TMEM87A: variants seen among roughly 807,000 people sequenced by gnomAD.
TMEM87A encodes Golgi-pH regulating cation channel.
A neutral mutation model predicts 90.0 loss-of-function variants in TMEM87A; 50 were observed. That is an observed-to-expected ratio of 0.56 (90% CI 0.44 to 0.70). The LOEUF (loss-of-function observed/expected upper bound fraction) is 0.70, where lower values mean the gene tolerates loss of function less well. Among genes scored for constraint, TMEM87A ranks in the 30% least tolerant of loss-of-function variants. The pLI is 0.00. For synonymous variants in TMEM87A, 226 were observed against 226.7 expected (o/e 1.00, Z 0.03); for missense variants, 577 against 660.5 (o/e 0.87, Z 1.39).
chr15:42,250,319 T>C (rs948747327), intron 6 of TMEM87A, among the ~76,000 whole-genome samples: 8 of 152,200 alleles, frequency 5.3e-5, no homozygotes, highest in African/African-American at 1.9e-4. Flanking sequence ...ATGATACTAG[T>C]GGGTTATTTT....
In TMEM87A at chr15:42,250,345, C is replaced by T. The variant is rs139561789; in HGVS notation, c.505-6178G>A. ...GGGTTATTTTGCCCGTTGGTTGATG[C>T]AGTTTCTTCCTAGCATCGATGGTCT... is the stretch of plus-strand genomic sequence containing the variant. On this transcript the variant is annotated intron_variant, in intron 6 of 19. Coordinates refer to ENST00000389834, the MANE Select transcript of TMEM87A (RefSeq NM_015497.5). Among the ~76,000 whole-genome samples, 953 of 152,274 alleles carry T rather than the reference C, an allele frequency of 6.3e-3. 28 individuals carry two copies. Among genetic ancestry groups the T allele is most frequent in the Non-Finnish European group, 3.8e-3 (258 of 68,018 alleles).
Position 42,267,924 on chromosome 15 carries a change from C to T in TMEM87A, c.291+23G>A, listed in dbSNP as rs557458118. The T allele has an allele frequency of 1.9e-6, 3 of 1,587,824 alleles. No individual in the cohort carries two copies. The East Asian group carries it at 6.8e-5, about 36-fold the overall frequency. On this transcript the variant is annotated intron_variant, in intron 3 of 19. Transcript: ENST00000389834. ...AGATAATCACTAAGGTCCAAAAAAACTCTGTAATTTTATGTTCCTTACCTT... is the reference window on the plus strand; with the variant it reads ...AGATAATCACTAAGGTCCAAAAAAATTCTGTAATTTTATGTTCCTTACCTT...
chr15:42,257,705 C>T (rs1482033407), intron 6 of TMEM87A, among the ~76,000 whole-genome samples: 1 of 152,058 alleles, frequency 6.6e-6, no homozygotes, highest in African/African-American at 2.4e-5. Context: ...ACATTATGAA[C>T]ATAACTTTAT....
At chr15:42,268,644 G>A (rs1175889446) in intron 2 of TMEM87A, among the ~76,000 whole-genome samples, 4 of 152,050 alleles carry the variant, frequency 2.6e-5, no homozygotes, top group African/African-American at 9.7e-5. Flanking sequence ...TCCAGCCTGG[G>A]CGACAGAGCG....
At chr15:42,273,078 G>C in intron 1 of TMEM87A, 177 bp downstream of exon 1, 1 of 742,618 alleles carries the variant, frequency 1.3e-6, no homozygotes, top group Non-Finnish European at 2.2e-6. Flanking sequence ...CCTAATCACA[G>C]AAGTGCGCGG....
chr15:42,222,365 A>G (rs2050506141), intron 15 of TMEM87A, among the ~76,000 whole-genome samples: 1 of 152,062 alleles, frequency 6.6e-6, no homozygotes, highest in Admixed American at 6.6e-5. Context: ...CCCAAAGGCT[A>G]TTTTTAAAAG....
At position 42,211,191 on chromosome 15, in the gene TMEM87A, AG is replaced by A. The variant is rs2050279851; in HGVS notation, c.*516del. The A allele has an allele frequency of 6.6e-6, 1 of 151,796 alleles. No individual in the cohort carries two copies. The highest frequency in any genetic ancestry group is 1.5e-5 in the Non-Finnish European group (1 of 68,010). 9.4% of individuals were successfully genotyped at this position (151,796 alleles called of 1,614,324 possible). ...TAGAACTATGGCTCCTTAACTCAGAAGGGCCCTTTTTTCTCAAAACAACCTC... is the reference window on the plus strand; with the variant it reads ...TAGAACTATGGCTCCTTAACTCAGAAGGCCCTTTTTTCTCAAAACAACCTC... On this transcript the variant is annotated 3_prime_UTR_variant, in exon 20 of 20. Transcript: ENST00000389834.
intron 19 of TMEM87A, 105 bp downstream of exon 19, chr15:42,217,698 A>AG (rs962845375): frequency 1.9e-6 from 2 of 1,048,578 alleles, no homozygotes; most frequent in Non-Finnish European, 2.8e-6. Context: ...TATAGTTTTC[A>AG]GGCCACTACT....
chr15:42,260,936 C>G (rs2051275610), intron 6 of TMEM87A, 22 bp downstream of exon 6: 1 of 1,604,652 alleles, frequency 6.2e-7, no homozygotes, highest in Non-Finnish European at 8.5e-7. Flanking sequence ...GTTCAATGCC[C>G]CAAATCCCCA....
At chr15:42,220,684 A>G (rs975650608) in intron 15 of TMEM87A, among the ~76,000 whole-genome samples, 2 of 152,254 alleles carry the variant, frequency 1.3e-5, no homozygotes, top group Non-Finnish European at 2.9e-5. Context: ...CTGATCTGGT[A>G]TATCTCAGAT....
At chr15:42,240,566 G>C (rs2050850156) in intron 7 of TMEM87A, among the ~76,000 whole-genome samples, 1 of 152,130 alleles carries the variant, frequency 6.6e-6, no homozygotes, top group African/African-American at 2.4e-5. Flanking sequence ...ATTTGCCTTA[G>C]TAAAGCAAAC....
chr15:42,240,827 G>A (rs1392574906), intron 7 of TMEM87A, among the ~76,000 whole-genome samples: 1 of 152,060 alleles, frequency 6.6e-6, no homozygotes, highest in African/African-American at 2.4e-5. Flanking sequence ...CATTCCATAA[G>A]AGCAATTATA....
intron 6 of TMEM87A, among the ~76,000 whole-genome samples, chr15:42,255,904 G>C (rs573743816): frequency 6.6e-6 from 1 of 151,026 alleles, no homozygotes; most frequent in South Asian, 2.1e-4. Context: ...CAAGTAGCTG[G>C]GATTATAGGC....
chr15:42,228,002 G>T (rs1375298073), intron 13 of TMEM87A, among the ~76,000 whole-genome samples: 1 of 152,180 alleles, frequency 6.6e-6, no homozygotes, highest in Non-Finnish European at 1.5e-5. Context: ...GAATAATTTG[G>T]TAATAATGTT....
At chr15:42,228,139 T>C (rs1330592943) in intron 13 of TMEM87A, among the ~76,000 whole-genome samples, 1 of 152,214 alleles carries the variant, frequency 6.6e-6, no homozygotes, top group Non-Finnish European at 1.5e-5. Flanking sequence ...TGCTAATTTT[T>C]CTTTGGCTGG....
intron 19 of TMEM87A, among the ~76,000 whole-genome samples, chr15:42,217,290 A>G (rs577246714): frequency 4.6e-5 from 7 of 152,328 alleles, no homozygotes; most frequent in Admixed American, 2.0e-4. Flanking sequence ...GAAGCCTTCT[A>G]GATTAACTGT....
intron 6 of TMEM87A, among the ~76,000 whole-genome samples, chr15:42,253,088 A>C (rs1469076653): frequency 1.3e-5 from 2 of 152,210 alleles, no homozygotes; most frequent in Non-Finnish European, 2.9e-5. Context: ...AAGATTTCTT[A>C]AACACCAGGA....
At chr15:42,248,314 A>G (rs2051016478) in intron 6 of TMEM87A, among the ~76,000 whole-genome samples, 1 of 152,156 alleles carries the variant, frequency 6.6e-6, no homozygotes, top group Admixed American at 6.5e-5. Context: ...TACTTCCAAC[A>G]CTATGTTGAA....
intron 3 of TMEM87A, among the ~76,000 whole-genome samples, chr15:42,264,694 T>TAC (rs1423446109): frequency 8.2e-5 from 3 of 36,488 alleles, no homozygotes; most frequent in East Asian, 6.4e-4. Context: ...TATATATATA[T>TAC]ATATATTTTT....
Sources: allele counts gnomAD v4.1 joint callset (sites outside exome capture counted in the v4.1 genomes callset), GRCh38; gene constraint gnomAD v4.1.1; transcripts MANE v1.5; gene names NCBI Gene and HGNC (gene_info 2026-07-23, HGNC 2026-07-21).